Variants in SNX25 observed in about 807,000 individuals in gnomAD.
SNX25 encodes sorting nexin-25.
Under a neutral mutation model 113.7 loss-of-function variants are expected in SNX25, and 62 were observed. The observed-to-expected ratio is 0.55, with a 90% CI of 0.44 to 0.67. The LOEUF is 0.67. Among genes scored for constraint, SNX25 ranks in the 30% least tolerant of loss-of-function variants. SNX25 has a pLI of 0.00. For missense variants in SNX25, 1,014 were observed against 1,161.0 expected, an observed-to-expected ratio of 0.87 and a Z score of 1.84; for synonymous variants, 421 against 436.2, an observed-to-expected ratio of 0.97 and a Z score of 0.43.
chr4:185,313,621 T>A (rs1422317288), intron 7 of SNX25, among the ~76,000 whole-genome samples: 1 of 152,166 alleles, frequency 6.6e-6, no homozygotes, highest in African/African-American at 2.4e-5. Context: ...TATCCCACAA[T>A]TATTTGTGGG....
Position 185,281,587 on chromosome 4 carries a change from G to T in SNX25, c.1092-6425G>T, listed in dbSNP as rs551819507. ...CTCATTTATCCAGCAGTCCCTTTTA[G>T]TAGTGCCATGGATGGGAAAAAACTT... On this transcript the variant is annotated intron_variant, in intron 5 of 18. Transcript: ENST00000652585. Among the ~76,000 whole-genome samples, 76 of 152,264 alleles carry T rather than the reference G, an allele frequency of 5.0e-4. 1 individual carries two copies. Among genetic ancestry groups the T allele is most frequent in the African/African-American group, 1.7e-3 (70 of 41,556 alleles).
intron 7 of SNX25, among the ~76,000 whole-genome samples, chr4:185,313,965 T>C (rs1349244455): frequency 6.6e-6 from 1 of 152,058 alleles, no homozygotes; most frequent in African/African-American, 2.4e-5. Context: ...ACTCACTAAG[T>C]GGAAGTGGAT....
At chr4:185,211,226 A>G (rs544726618) in intron 1 of SNX25, among the ~76,000 whole-genome samples, 1 of 152,156 alleles carries the variant, frequency 6.6e-6, no homozygotes, top group African/African-American at 2.4e-5. Flanking sequence ...CACTTCACCA[A>G]ACTACTCTGA....
intron 1 of SNX25, among the ~76,000 whole-genome samples, chr4:185,212,491 G>GTGTTTTTGTTTTT (rs546083196): frequency 5.4e-4 from 57 of 104,936 alleles, no homozygotes; most frequent in Non-Finnish European, 8.3e-4. Flanking sequence ...GTGTGTGTGT[G>GTGTTTTTGTTTTT]TTTTTTTTTT....
chr4:185,256,072 T>C (rs13111957), intron 2 of SNX25, among the ~76,000 whole-genome samples: 51,714 of 152,088 alleles, frequency 0.34, 10,638 homozygotes, highest in East Asian at 0.56. Flanking sequence ...TGCCTTGTTT[T>C]CTGGTTTTGC....
At chr4:185,340,685 C>T (rs2095255215) in intron 11 of SNX25, among the ~76,000 whole-genome samples, 2 of 152,074 alleles carry the variant, frequency 1.3e-5, no homozygotes, top group African/African-American at 2.4e-5. Flanking sequence ...TTAGAGCTGG[C>T]CCTGACACTT....
chr4:185,284,232 G>C (rs1211010512), intron 5 of SNX25, among the ~76,000 whole-genome samples: 1 of 152,182 alleles, frequency 6.6e-6, no homozygotes, highest in African/African-American at 2.4e-5. Flanking sequence ...TCTTAGGCTC[G>C]AAAATGTGTC....
intron 12 of SNX25, among the ~76,000 whole-genome samples, chr4:185,346,235 G>A (rs2095285791): frequency 6.6e-6 from 1 of 152,176 alleles, no homozygotes; most frequent in Non-Finnish European, 1.5e-5. Context: ...CTTTCTGTGA[G>A]CCAGGTTTCC....
upstream of SNX25, among the ~76,000 whole-genome samples, chr4:185,208,682 C>T (rs531168705): frequency 1.3e-5 from 2 of 151,830 alleles, no homozygotes; most frequent in South Asian, 4.2e-4. Context: ...GAGCCGAGAT[C>T]GCCCCACTGC....
intron 5 of SNX25, among the ~76,000 whole-genome samples, chr4:185,279,170 T>C (rs1750197633): frequency 6.6e-6 from 1 of 151,874 alleles, no homozygotes; most frequent in African/African-American, 2.4e-5. Flanking sequence ...TTTATAACTT[T>C]ATATGGGGAG....
At chr4:185,296,680 G>T (rs140264115) in intron 6 of SNX25, among the ~76,000 whole-genome samples, 52 of 151,994 alleles carry the variant, frequency 3.4e-4, no homozygotes, top group African/African-American at 1.2e-3. Flanking sequence ...TTGTCCTATG[G>T]GCAACAAAAT....
At chr4:185,375,751 A>G in the SNX25 span, 4 of 1,460,618 alleles carry the variant, frequency 2.7e-6, no homozygotes, top group Non-Finnish European at 3.8e-6. Flanking sequence ...AAGATATTTA[A>G]TTATTTTTAT....
intron 15 of SNX25, among the ~76,000 whole-genome samples, chr4:185,354,601 AC>A (rs2095330960): frequency 6.6e-6 from 1 of 152,214 alleles, no homozygotes; most frequent in Admixed American, 6.5e-5. Context: ...GGAGAGATGT[AC>A]GTAGAAGAAA....
At chr4:185,307,394 T>G (rs541266517) in intron 6 of SNX25, among the ~76,000 whole-genome samples, 7 of 152,322 alleles carry the variant, frequency 4.6e-5, no homozygotes, top group Admixed American at 6.5e-5. Flanking sequence ...TGTCCAGATA[T>G]GTAGTTCCCA....
At chr4:185,254,674 C>G (rs1361548108) in intron 2 of SNX25, among the ~76,000 whole-genome samples, 4 of 152,200 alleles carry the variant, frequency 2.6e-5, no homozygotes, top group Non-Finnish European at 5.9e-5. Flanking sequence ...TACCCTAAAT[C>G]CTGTTTTCAG....
At chr4:185,241,365 G>A (rs994292898) in intron 1 of SNX25, among the ~76,000 whole-genome samples, 1 of 151,336 alleles carries the variant, frequency 6.6e-6, no homozygotes, top group African/African-American at 2.4e-5. Context: ...GCAATCGCAG[G>A]CACTCGGCAG....
At position 185,332,676 on chromosome 4, in the gene SNX25, A is replaced by G; in HGVS notation, c.1831A>G (p.Lys611Glu). Reference protein sequence around the residue: ...INEQASFAVNKLRELNEKLEY... With the variant: ...INEQASFAVNELRELNEKLEY... ...TGAACAAGCCAGTTTTGCTGTAAACAAACTGCGAGAACTAAATGAGAAACT... is the reference window on the plus strand; with the variant it reads ...TGAACAAGCCAGTTTTGCTGTAAACGAACTGCGAGAACTAAATGAGAAACT... Residue 611 changes from lysine (K) to glutamate (E), a missense_variant, in exon 10 of 19, where the codon AAA (lysine) becomes GAA (glutamate). Lys to Glu is a moderately conservative substitution (Grantham distance 56). Coordinates refer to ENST00000652585, the MANE Select transcript of SNX25 (RefSeq NM_001378034.2). 1 of 1,614,202 alleles carries G rather than the reference A, an allele frequency of 6.2e-7. No individual in the cohort carries two copies.
intron 2 of SNX25, among the ~76,000 whole-genome samples, chr4:185,254,689 A>G (rs1301716049): frequency 6.6e-6 from 1 of 152,194 alleles, no homozygotes; most frequent in Admixed American, 6.5e-5. Flanking sequence ...TTTCAGGTTA[A>G]CCTAACTAAA....
chr4:185,258,996 A>C lies in SNX25; in HGVS notation c.663A>C (p.Lys221Asn). The C allele has an allele frequency of 1.2e-6, 2 of 1,614,168 alleles. No individual in the cohort carries two copies. The highest frequency in any genetic ancestry group is 1.7e-6 in the Non-Finnish European group (2 of 1,180,012). The change falls in exon 3 of 19, where the codon AAA (lysine) becomes AAC (asparagine). Residue 221 changes from lysine (K) to asparagine (N), a missense_variant. Transcript: ENST00000652585. ...HHRLSHVDVV[K>N]VVCNDVVRTL... ...GACTGAGTCACGTGGATGTGGTTAA[A>C]GTTGTCTGCAATGATGTTGTGAGGA...
Sources: gnomAD v4.1 joint callset for allele counts (sites outside exome capture counted in the v4.1 genomes callset) on GRCh38, gnomAD v4.1.1 for gene constraint, MANE v1.5 for transcripts, NCBI Gene and HGNC (gene_info 2026-07-23, HGNC 2026-07-21) for gene names.